USH2A: variants seen among roughly 807,000 people sequenced by gnomAD.
The protein encoded by USH2A is usherin.
A neutral mutation model predicts 538.9 loss-of-function variants in USH2A; 443 were observed. That is an observed-to-expected ratio of 0.82 (90% CI 0.76 to 0.89). USH2A has a LOEUF of 0.89. USH2A is among the 40% of genes least tolerant of loss of function. The pLI is 0.00. For missense variants in USH2A, 6,633 were observed against 6,324.8 expected (o/e 1.05, Z -1.65); for synonymous variants, 2,413 against 2,273.5 (o/e 1.06, Z -1.75).
intron 60 of USH2A, among the ~76,000 whole-genome samples, chr1:215,731,017 T>C (rs1299869883): frequency 2.0e-5 from 3 of 152,200 alleles, no homozygotes; most frequent in Non-Finnish European, 4.4e-5. Context: ...AAACCTATGA[T>C]GGTCTATGGG....
chr1:215,789,043 T>G (rs1275433986), intron 51 of USH2A, among the ~76,000 whole-genome samples: 2 of 152,146 alleles, frequency 1.3e-5, no homozygotes, highest in Non-Finnish European at 2.9e-5. Context: ...AAAAATCCCA[T>G]GGTGATCCAT....
chr1:216,094,973 T>TGC (rs1463371643), intron 22 of USH2A, among the ~76,000 whole-genome samples: 2 of 139,350 alleles, frequency 1.4e-5, no homozygotes, highest in Non-Finnish European at 2.9e-5. Context: ...TGTGTGTGTG[T>TGC]GTGTGTATAG....
chr1:215,900,934 A>T, intron 38 of USH2A, 29 bp from the exon 39 acceptor site: 1 of 1,612,692 alleles, frequency 6.2e-7, no homozygotes, highest in Non-Finnish European at 8.5e-7. Flanking sequence ...GAATTAGAGC[A>T]GAGAAAACTG....
intron 30 of USH2A, among the ~76,000 whole-genome samples, chr1:216,062,799 G>A (rs977894100): frequency 1.3e-5 from 2 of 152,088 alleles, no homozygotes; most frequent in Admixed American, 1.3e-4. Flanking sequence ...ATTGAAAATT[G>A]CTATTTCTCA....
intron 43 of USH2A, among the ~76,000 whole-genome samples, chr1:215,870,190 T>C (rs980194796): frequency 6.6e-6 from 1 of 152,204 alleles, no homozygotes; most frequent in Non-Finnish European, 1.5e-5. Flanking sequence ...GAGAAATCAG[T>C]AGATATTTCA....
At chr1:216,102,099 T>C (rs1319407749) in intron 21 of USH2A, among the ~76,000 whole-genome samples, 1 of 151,906 alleles carries the variant, frequency 6.6e-6, no homozygotes, top group East Asian at 1.9e-4. Context: ...TATCAAAAGG[T>C]ATGAATAAGA....
At chr1:215,917,567 G>C (rs993541376) in intron 38 of USH2A, among the ~76,000 whole-genome samples, 3 of 151,748 alleles carry the variant, frequency 2.0e-5, no homozygotes, top group Admixed American at 6.6e-5. Context: ...ATAAATTCAA[G>C]CTCAAGTCAA....
intron 3 of USH2A, among the ~76,000 whole-genome samples, chr1:216,414,452 A>C (rs953675993): frequency 1.3e-5 from 2 of 152,074 alleles, no homozygotes; most frequent in African/African-American, 4.8e-5. Flanking sequence ...TTCGATTTCC[A>C]ATTTTGGTAT....
Position 216,207,437 on chromosome 1 carries a change from T to C in USH2A, c.3158-6A>G, listed in dbSNP as rs397518010. 2 of 1,613,862 alleles carry C rather than the reference T, an allele frequency of 1.2e-6. No individual in the cohort carries two copies. Among genetic ancestry groups the C allele is most frequent in the Non-Finnish European group, 1.7e-6 (2 of 1,179,884 alleles). The stretch of plus-strand genomic sequence containing the variant: ...CGGAGGTTGCTGGAATGGAGCTAAA[T>C]TACAATGAAGAGAGCATTTATTAGC... On this transcript the variant is annotated splice_polypyrimidine_tract_variant and splice_region_variant and intron_variant, in intron 15 of 71. Coordinates refer to ENST00000307340, the MANE Select transcript of USH2A (RefSeq NM_206933.4).
At chr1:216,147,357 C>T (rs374712099) in intron 21 of USH2A, among the ~76,000 whole-genome samples, 2 of 152,146 alleles carry the variant, frequency 1.3e-5, no homozygotes, top group East Asian at 1.9e-4. Context: ...AGCCCTCCCC[C>T]ACCTGCCCAG....
chr1:216,365,165 A>C, intron 3 of USH2A, 80 bp from the exon 4 acceptor site: 1 of 1,495,556 alleles, frequency 6.7e-7, no homozygotes, highest in East Asian at 2.3e-5. Flanking sequence ...AGTTTTTATT[A>C]AGTAACTTTC....
At chr1:216,074,315 G>A (rs879371514) in intron 27 of USH2A, among the ~76,000 whole-genome samples, 12 of 124,094 alleles carry the variant, frequency 9.7e-5, no homozygotes, top group Non-Finnish European at 1.3e-4. Flanking sequence ...GATTGCTGTA[G>A]CGTGCATGTT....
chr1:215,703,479 G>GGCT lies in USH2A; in HGVS notation c.12067-23106_12067-23104dup, dbSNP rs570919879. On this transcript the variant is annotated intron_variant, in intron 61 of 71. Transcript: ENST00000307340. ...AGTTTTTCTCTAAGTTCCTGACTGG[G>GGCT]GCTGCTGCCTTTCTTTCAGAGATGC... Among the ~76,000 whole-genome samples the GGCT allele has an allele frequency of 1.1e-4, 17 of 152,290 alleles. No individual in the cohort carries two copies. The South Asian group carries it at 3.5e-3, about 32-fold the overall frequency.
chr1:216,347,347 A>G (rs1275689526), intron 4 of USH2A, among the ~76,000 whole-genome samples: 1 of 152,104 alleles, frequency 6.6e-6, no homozygotes, highest in Non-Finnish European at 1.5e-5. Flanking sequence ...ATTTTGGCCT[A>G]ATGAATGACT....
At chr1:216,354,706 G>A (rs968617501) in intron 4 of USH2A, among the ~76,000 whole-genome samples, 3 of 151,410 alleles carry the variant, frequency 2.0e-5, no homozygotes, top group Non-Finnish European at 4.4e-5. Context: ...AAAAGAGTGG[G>A]GAAAATGAAA....
chr1:215,910,986 A>T (rs575642676), intron 38 of USH2A, among the ~76,000 whole-genome samples: 1 of 152,110 alleles, frequency 6.6e-6, no homozygotes, highest in African/African-American at 2.4e-5. Flanking sequence ...TGTTCTGCTT[A>T]TACCCAATAC....
chr1:215,648,852 A>C, intron 65 of USH2A, 86 bp from the exon 66 acceptor site: 1 of 1,309,580 alleles, frequency 7.6e-7, no homozygotes, highest in Non-Finnish European at 1.1e-6. Flanking sequence ...ACCTCCTACA[A>C]ATGGAGTACC....
intron 60 of USH2A, among the ~76,000 whole-genome samples, chr1:215,733,495 G>A (rs947322786): frequency 5.3e-5 from 8 of 152,104 alleles, no homozygotes; most frequent in African/African-American, 9.7e-5. Context: ...ATAGTTCCCC[G>A]AAGTTTTAAC....
intron 32 of USH2A, among the ~76,000 whole-genome samples, chr1:216,025,681 G>T (rs1171798901): frequency 6.6e-6 from 1 of 151,976 alleles, no homozygotes; most frequent in Non-Finnish European, 1.5e-5. Context: ...TACAGTAAAG[G>T]TATGTGCCTT....
Sources: allele counts gnomAD v4.1 joint callset (sites outside exome capture counted in the v4.1 genomes callset), GRCh38; gene constraint gnomAD v4.1.1; transcripts MANE v1.5; gene names NCBI Gene and HGNC (gene_info 2026-07-23, HGNC 2026-07-21).